Variants in CBFB observed in about 807,000 individuals in gnomAD.
CBFB encodes the protein CBF-beta.
Under a neutral mutation model 30.4 loss-of-function variants are expected in CBFB, and 9 were observed. The ratio of observed to expected loss-of-function variants is 0.30; its 90% CI spans 0.18 to 0.52. The LOEUF is 0.52. Among genes scored for constraint, CBFB ranks in the 20% least tolerant of loss-of-function variants. The pLI is 0.97. For synonymous variants in CBFB, 94 were observed against 84.0 expected (o/e 1.12, Z -0.65); for missense variants, 170 against 244.0 (o/e 0.70, Z 2.02).
In CBFB at chr16:67,096,951, G is replaced by T. The variant is rs375224286; in HGVS notation, c.496-1759G>T. Among the ~76,000 whole-genome samples the T allele has an allele frequency of 2.3e-3, 349 of 151,368 alleles. 2 individuals are homozygous for T. Among genetic ancestry groups the T allele is most frequent in the African/African-American group, 8.1e-3 (333 of 41,214 alleles). ...AAAAAAAAAAAAAAAAAATACATCT[G>T]AGTCGTACATGGTGGCTCATGCCTG... On this transcript the variant is annotated intron_variant, in intron 5 of 5. Coordinates refer to ENST00000412916, the MANE Select transcript of CBFB (RefSeq NM_022845.3).
chr16:67,095,210 CAAAAAAAAAAA>C lies in CBFB; in HGVS notation c.496-3484_496-3474del, dbSNP rs71145959. 5.5e-4 allele frequency among the ~76,000 whole-genome samples: 15 copies of C among 27,096 alleles called. No individual in the cohort carries two copies. In the South Asian group the frequency reaches 0.021, roughly 37 times the overall value. 17.8% of individuals were successfully genotyped at this position (27,096 alleles called of 152,430 possible). ...AGGCAACAAGAGCAAAAGTGTGTCT[CAAAAAAAAAAA>C]AAAAAAAAAAAAAAAGGCTGGGCAC... is the stretch of plus-strand genomic sequence containing the variant. On this transcript the variant is annotated intron_variant, in intron 5 of 5. Coordinates refer to ENST00000412916, the MANE Select transcript of CBFB (RefSeq NM_022845.3).
At position 67,087,001 on chromosome 16, in the gene CBFB, A is replaced by G. The variant is rs538830257; in HGVS notation, c.495+4693A>G. On this transcript the variant is annotated intron_variant, in intron 5 of 5. Transcript: ENST00000412916. ...TTTGCCAGCTGTTCAAGTTGGAGAA[A>G]GCATTCTGGGCAGGACAAACAGTGT... Among the ~76,000 whole-genome samples, 142 of 152,212 alleles carry G rather than the reference A, an allele frequency of 9.3e-4. 1 individual carries two copies. Among genetic ancestry groups the G allele is most frequent in the Middle Eastern group, 3.4e-3 (1 of 294 alleles).
At chr16:67,093,541 TCTCATGAC>T (rs1961961903) in intron 5 of CBFB, 1 of 152,096 alleles carries the variant, frequency 6.6e-6, no homozygotes, top group Admixed American at 6.6e-5. Context: ...TTTGGAGTCA[TCTCATGAC>T]TGCCTCCTAG....
At chr16:67,039,953 A>G (rs1049060322) in intron 3 of CBFB, among the ~76,000 whole-genome samples, 1 of 152,214 alleles carries the variant, frequency 6.6e-6, no homozygotes, top group East Asian at 1.9e-4. Context: ...TTTCTCAGAT[A>G]GAATTTTGTC....
At chr16:67,087,140 A>G (rs747621679) in intron 5 of CBFB, among the ~76,000 whole-genome samples, 1 of 152,126 alleles carries the variant, frequency 6.6e-6, no homozygotes, top group Non-Finnish European at 1.5e-5. Context: ...TATAGGAATC[A>G]TTTTCTAAAA....
intron 3 of CBFB, among the ~76,000 whole-genome samples, chr16:67,040,430 C>A (rs1966510798): frequency 6.6e-6 from 1 of 152,214 alleles, no homozygotes; most frequent in East Asian, 1.9e-4. Context: ...TCTGCATTTA[C>A]TACAGTGTAA....
chr16:67,080,094 A>AAAT (rs1049637297), intron 4 of CBFB, among the ~76,000 whole-genome samples: 8 of 152,302 alleles, frequency 5.3e-5, no homozygotes, highest in South Asian at 2.1e-4. Context: ...TCTGTCTCAA[A>AAAT]AATAATAATA....
At chr16:67,085,362 G>A (rs545825043) in intron 5 of CBFB, among the ~76,000 whole-genome samples, 44 of 152,196 alleles carry the variant, frequency 2.9e-4, no homozygotes, top group Admixed American at 1.3e-3. Flanking sequence ...TAGACACGAG[G>A]TTTCACCATG....
At chr16:67,056,149 T>C (rs1823015740) in intron 3 of CBFB, among the ~76,000 whole-genome samples, 1 of 152,242 alleles carries the variant, frequency 6.6e-6, no homozygotes, top group Non-Finnish European at 1.5e-5. Flanking sequence ...CATTTTGTGC[T>C]TTTTGTTGGT....
chr16:67,035,110 C>T (rs371437184), intron 2 of CBFB, among the ~76,000 whole-genome samples: 6 of 151,608 alleles, frequency 4.0e-5, no homozygotes, highest in African/African-American at 7.3e-5. Flanking sequence ...GATGGAGTCT[C>T]GCCTTGTTGT....
At chr16:67,045,516 G>GAA (rs558443024) in intron 3 of CBFB, among the ~76,000 whole-genome samples, 1 of 144,782 alleles carries the variant, frequency 6.9e-6, no homozygotes, top group African/African-American at 2.5e-5. Context: ...GACTCTGTCT[G>GAA]AAAAAAAAAA....
chr16:67,087,749 C>T (rs935053060), intron 5 of CBFB, among the ~76,000 whole-genome samples: 1 of 152,100 alleles, frequency 6.6e-6, no homozygotes, highest in Non-Finnish European at 1.5e-5. Context: ...AGAGCATGGG[C>T]TTTGTAGTCA....
intron 5 of CBFB, among the ~76,000 whole-genome samples, chr16:67,097,156 C>G (rs547288573): frequency 6.6e-6 from 1 of 151,936 alleles, no homozygotes; most frequent in African/African-American, 2.4e-5. Flanking sequence ...TCGCTTGAGC[C>G]GGGGAGGCAG....
At chr16:67,059,010 C>T (rs768438508) in intron 3 of CBFB, among the ~76,000 whole-genome samples, 4 of 152,234 alleles carry the variant, frequency 2.6e-5, no homozygotes, top group Admixed American at 6.5e-5. Context: ...TTTTAATTGC[C>T]TTGAAATTCT....
At chr16:67,075,566 G>A (rs115082766) in intron 4 of CBFB, among the ~76,000 whole-genome samples, 3,124 of 151,730 alleles carry the variant, frequency 0.021, 99 homozygotes, top group African/African-American at 0.07. Flanking sequence ...GTGTGTGTGT[G>A]TATATATATA....
intron 2 of CBFB, among the ~76,000 whole-genome samples, chr16:67,036,133 ATGG>A (rs1397683928): frequency 6.6e-6 from 1 of 152,200 alleles, no homozygotes; most frequent in Admixed American, 6.5e-5. Context: ...ATGCCAATGT[ATGG>A]TTTATCAGAG....
chr16:67,039,816 G>T (rs936566411), intron 3 of CBFB, among the ~76,000 whole-genome samples: 1 of 152,110 alleles, frequency 6.6e-6, no homozygotes, highest in African/African-American at 2.4e-5. Flanking sequence ...CTGTTGTGGT[G>T]TGAAAGGGAC....
intron 3 of CBFB, among the ~76,000 whole-genome samples, chr16:67,062,672 A>T (rs1220744993): frequency 1.3e-5 from 2 of 151,496 alleles, no homozygotes; most frequent in Non-Finnish European, 2.9e-5. Flanking sequence ...TGCACCAGTA[A>T]TCCCAGCCAC....
intron 5 of CBFB, among the ~76,000 whole-genome samples, chr16:67,083,347 G>A (rs4783750): frequency 6.6e-6 from 1 of 151,100 alleles, no homozygotes; most frequent in East Asian, 1.9e-4. Flanking sequence ...CCAGGCTGGA[G>A]TACAGTAGCG....
Sources: allele counts gnomAD v4.1 joint callset (sites outside exome capture counted in the v4.1 genomes callset), GRCh38; gene constraint gnomAD v4.1.1; transcripts MANE v1.5; gene names NCBI Gene and HGNC (gene_info 2026-07-23, HGNC 2026-07-21).